Variants in POT1 observed in about 807,000 individuals in gnomAD.
POT1 encodes protection of telomeres protein 1.
In POT1, 47 loss-of-function variants were observed where a neutral mutation model predicts 78.5. The ratio of observed to expected loss-of-function variants is 0.60; its 90% CI spans 0.47 to 0.76. POT1 has a LOEUF of 0.76. Ranked by LOEUF, POT1 falls within the 30% of genes least tolerant of loss-of-function variation. The pLI, the probability that POT1 is intolerant of heterozygous loss-of-function variation, is 0.00. For missense variants in POT1, 646 were observed against 749.9 expected, an observed-to-expected ratio of 0.86 and a Z score of 1.62; for synonymous variants, 259 against 260.7, an observed-to-expected ratio of 0.99 and a Z score of 0.06.
chr7:124,856,518 G>C (rs1266806382), intron 9 of POT1, among the ~76,000 whole-genome samples: 1 of 152,036 alleles, frequency 6.6e-6, no homozygotes, highest in Admixed American at 6.6e-5. Context: ...AAGGAGAAAA[G>C]AATCTGGAAA....
chr7:124,846,122 GGAGA>G (rs934802108), intron 12 of POT1, among the ~76,000 whole-genome samples: 29 of 149,470 alleles, frequency 1.9e-4, no homozygotes, highest in African/African-American at 6.2e-4. Context: ...GCTTTTTCAT[GGAGA>G]GAGAGATAGG....
chr7:124,887,160 A>G (rs1409295931), intron 6 of POT1, among the ~76,000 whole-genome samples: 2 of 152,128 alleles, frequency 1.3e-5, no homozygotes, highest in African/African-American at 4.8e-5. Flanking sequence ...AAAGTATGTG[A>G]GTTTATGTTG....
chr7:124,886,411 G>GTAATAC (rs1356351058), intron 6 of POT1, among the ~76,000 whole-genome samples: 1 of 152,080 alleles, frequency 6.6e-6, no homozygotes, highest in African/African-American at 2.4e-5. Flanking sequence ...CTTCTCTGTG[G>GTAATAC]TAATACTAAT....
chr7:124,877,585 C>G (rs1218776255), intron 6 of POT1, among the ~76,000 whole-genome samples: 1 of 151,638 alleles, frequency 6.6e-6, no homozygotes, highest in Non-Finnish European at 1.5e-5. Flanking sequence ...ACCTGTAATC[C>G]CACCGCTTAG....
intron 9 of POT1, among the ~76,000 whole-genome samples, chr7:124,856,196 G>A (rs1032548075): frequency 1.3e-5 from 2 of 152,080 alleles, no homozygotes; most frequent in Admixed American, 6.5e-5. Context: ...ACACAAAAAC[G>A]TAATTTTAAA....
intron 6 of POT1, among the ~76,000 whole-genome samples, chr7:124,875,588 C>G (rs1203346106): frequency 4.6e-5 from 7 of 152,098 alleles, no homozygotes; most frequent in Admixed American, 4.6e-4. Flanking sequence ...GAATCAGAAG[C>G]TAAATGCAAA....
At chr7:124,846,895 A>G in intron 12 of POT1, 47 bp downstream of exon 12, 1 of 1,344,202 alleles carries the variant, frequency 7.4e-7, no homozygotes, top group Non-Finnish European at 1.1e-6. Context: ...GGCAGACTTT[A>G]TTATGCTCAT....
intron 2 of POT1, among the ~76,000 whole-genome samples, chr7:124,927,096 T>G (rs1797293392): frequency 6.6e-6 from 1 of 152,204 alleles, no homozygotes; most frequent in South Asian, 2.1e-4. Flanking sequence ...TTTTAAAAAT[T>G]TTGTTTAAAT....
chr7:124,826,671 G>C (rs768600038), intron 17 of POT1, among the ~76,000 whole-genome samples: 3 of 152,162 alleles, frequency 2.0e-5, no homozygotes, highest in Non-Finnish European at 2.9e-5. Flanking sequence ...AGGAGTTCAA[G>C]ACCAGCCTGG....
intron 5 of POT1, 42 bp from the exon 6 acceptor site, chr7:124,892,422 T>A: frequency 5.2e-6 from 5 of 963,006 alleles, no homozygotes; most frequent in Non-Finnish European, 5.9e-6. Flanking sequence ...TACAAAGTAT[T>A]TACATTGTAG....
chr7:124,838,208 GA>G (rs1292063193), intron 14 of POT1, among the ~76,000 whole-genome samples: 1 of 151,890 alleles, frequency 6.6e-6, no homozygotes, highest in Non-Finnish European at 1.5e-5. Context: ...GTAAGAAAAG[GA>G]AACAAAAGGT....
chr7:124,847,117 C>T (rs1795190266), intron 11 of POT1, 119 bp from the exon 12 acceptor site: 1 of 644,742 alleles, frequency 1.6e-6, no homozygotes, highest in Non-Finnish European at 2.7e-6. Context: ...AGATATGCCA[C>T]ATTCATGATT....
chr7:124,855,217 G>GAAAAAAAAAAAA (rs1562988920), intron 9 of POT1, among the ~76,000 whole-genome samples: 1 of 40,166 alleles, frequency 2.5e-5, no homozygotes, highest in African/African-American at 1.2e-4. Context: ...AGAGAGGAGA[G>GAAAAAAAAAAAA]CAAAAAAAAA....
chr7:124,874,265 G>A (rs1286489788), intron 6 of POT1, among the ~76,000 whole-genome samples: 1 of 152,010 alleles, frequency 6.6e-6, no homozygotes, highest in East Asian at 1.9e-4. Flanking sequence ...ACCCACCCTA[G>A]GCTGAAAATT....
chr7:124,874,045 C>T (rs117668153), intron 6 of POT1, among the ~76,000 whole-genome samples: 2,702 of 152,260 alleles, frequency 0.018, 25 homozygotes, highest in Non-Finnish European at 0.025. Flanking sequence ...CCTTATTCTC[C>T]GCTTCCCTGA....
chr7:124,865,092 G>A lies in POT1; in HGVS notation c.256-1452C>T, dbSNP rs954262441. The stretch of plus-strand genomic sequence containing the variant: ...GTATTTGCTGGATATAAAATTCTGT[G>A]TGAATAAATTTTTTTCTATCACCAT... On this transcript the variant is annotated intron_variant, in intron 7 of 18. Coordinates refer to ENST00000357628, the MANE Select transcript of POT1 (RefSeq NM_015450.3). Among the ~76,000 whole-genome samples, 6 of 152,126 alleles carry A rather than the reference G, an allele frequency of 3.9e-5. No individual in the cohort carries two copies. In the East Asian group the frequency reaches 7.7e-4, roughly 20 times the overall value.
intron 5 of POT1, among the ~76,000 whole-genome samples, chr7:124,894,732 A>T (rs1796452510): frequency 6.6e-6 from 1 of 151,574 alleles, no homozygotes; most frequent in Non-Finnish European, 1.5e-5. Context: ...TGACACAATA[A>T]AGTATTGTAT....
At chr7:124,897,078 G>T (rs1796508893) in intron 5 of POT1, 87 bp downstream of exon 5, 2 of 741,196 alleles carry the variant, frequency 2.7e-6, no homozygotes, top group Non-Finnish European at 4.1e-6. Context: ...CTACAAAGTG[G>T]ACTGAATATA....
intron 6 of POT1, among the ~76,000 whole-genome samples, chr7:124,887,931 C>G (rs921871398): frequency 7.9e-5 from 12 of 152,070 alleles, no homozygotes; most frequent in African/African-American, 2.7e-4. Flanking sequence ...TAAAACCTTA[C>G]ATTATCATAT....
Sources: allele counts gnomAD v4.1 joint callset (sites outside exome capture counted in the v4.1 genomes callset), GRCh38; gene constraint gnomAD v4.1.1; transcripts MANE v1.5; gene names NCBI Gene and HGNC (gene_info 2026-07-23, HGNC 2026-07-21).